UNC45A: variants seen among roughly 807,000 people sequenced by gnomAD.
UNC45A encodes the protein protein unc-45 homolog A.
In UNC45A, 78 loss-of-function variants were observed where a neutral mutation model predicts 103.2. The observed-to-expected ratio is 0.76, with a 90% CI of 0.63 to 0.91. UNC45A has a LOEUF of 0.91. Among genes scored for constraint, UNC45A ranks in the 40% least tolerant of loss-of-function variants. The pLI is 0.00. For missense variants in UNC45A, 1,193 were observed against 1,224.8 expected (o/e 0.97, Z 0.39); for synonymous variants, 495 against 504.6 (o/e 0.98, Z 0.25).
Position 90,935,530 on chromosome 15 carries a change from C to T in UNC45A, c.52-14C>T, listed in dbSNP as rs749582087. ...GAACCCCCTCCGACGTTTCCGCCCCCTTTCTCTCTACAGGCCAGCTCAGTG... is the reference window on the plus strand; with the variant it reads ...GAACCCCCTCCGACGTTTCCGCCCCTTTTCTCTCTACAGGCCAGCTCAGTG... On this transcript the variant is annotated splice_polypyrimidine_tract_variant and intron_variant, in intron 1 of 19. Coordinates refer to ENST00000418476, the MANE Select transcript of UNC45A (RefSeq NM_018671.5). 2.5e-6 allele frequency: 4 copies of T among 1,584,250 alleles called. No individual in the cohort carries two copies. In the African/African-American group the frequency reaches 4.0e-5, roughly 16 times the overall value.
intron 4 of UNC45A, among the ~76,000 whole-genome samples, chr15:90,938,870 C>T (rs2036149534): frequency 6.6e-6 from 1 of 151,648 alleles, no homozygotes; most frequent in Non-Finnish European, 1.5e-5. Flanking sequence ...CGGGGTTTCA[C>T]CATGTTGGCC....
At chr15:90,944,225 A>C (rs368380071) in intron 8 of UNC45A, among the ~76,000 whole-genome samples, 19 of 152,006 alleles carry the variant, frequency 1.2e-4, no homozygotes, top group African/African-American at 4.3e-4. Flanking sequence ...TCTCTACTAA[A>C]AGATACAAAA....
intron 10 of UNC45A, 40 bp from the exon 11 acceptor site, chr15:90,947,756 C>T (rs1596234039): frequency 2.6e-6 from 4 of 1,527,816 alleles, no homozygotes; most frequent in Non-Finnish European, 3.6e-6. Context: ...GCTCCTGCCT[C>T]CTTCCCCAGA....
chr15:90,948,371 G>A, intron 12 of UNC45A, 88 bp downstream of exon 12: 2 of 1,565,692 alleles, frequency 1.3e-6, no homozygotes, highest in Non-Finnish European at 8.6e-7. Flanking sequence ...GGCCAATGGG[G>A]TCTTTTGACC....
In UNC45A at chr15:90,953,338, A is replaced by G. The variant is rs571424096; in HGVS notation, c.2577+28A>G. On this transcript the variant is annotated intron_variant, in intron 19 of 19. Transcript: ENST00000418476. The stretch of plus-strand genomic sequence containing the variant: ...CAGTGCCTCTTCTCAGTGGGGGAGG[A>G]GGGACGGACCAGGAACTCCCAGCAG... 80 of 1,597,834 alleles carry G rather than the reference A, an allele frequency of 5.0e-5. No individual in the cohort carries two copies. In the South Asian group the frequency reaches 7.6e-4, roughly 15 times the overall value.
chr15:90,942,719 A>G, intron 7 of UNC45A, 114 bp downstream of exon 7: 2 of 1,560,840 alleles, frequency 1.3e-6, no homozygotes, highest in Non-Finnish European at 1.8e-6. Flanking sequence ...GTTGTTTGGA[A>G]TACGGTTTGG....
intron 8 of UNC45A, among the ~76,000 whole-genome samples, chr15:90,943,870 G>A (rs2036419353): frequency 6.6e-6 from 1 of 151,246 alleles, no homozygotes; most frequent in Non-Finnish European, 1.5e-5. Flanking sequence ...TGTAGTTGTA[G>A]TAGAGATAGA....
At chr15:90,947,973 CT>C (rs2036662222) in intron 11 of UNC45A, 83 bp downstream of exon 11, 46 of 1,433,042 alleles carry the variant, frequency 3.2e-5, no homozygotes, top group Admixed American at 2.4e-4. Flanking sequence ...TTGGGGCCTC[CT>C]CCGTCCTGCT....
Position 90,949,364 on chromosome 15 carries a change from G to C in UNC45A, c.1927G>C (p.Gly643Arg). ...RARVKKLLAAGVVSAMVCMVK... is the reference protein window; with the variant it reads ...RARVKKLLAARVVSAMVCMVK... The stretch of plus-strand genomic sequence containing the variant: ...TCGGGTGAAGAAGCTGCTGGCAGCG[G>C]GTGTGGTGTCGGCCATGGTGTGCAT... Residue 643 changes from glycine to arginine, a missense_variant, in exon 14 of 20, where the codon GGT (glycine) becomes CGT (arginine). Gly to Arg is a moderately radical substitution (Grantham distance 125). Coordinates refer to ENST00000418476, the MANE Select transcript of UNC45A (RefSeq NM_018671.5). The C allele has an allele frequency of 6.2e-7, 1 of 1,613,640 alleles. No homozygotes were observed. The highest frequency in any genetic ancestry group is 8.5e-7 in the Non-Finnish European group (1 of 1,180,018).
At chr15:90,939,621 G>T in intron 4 of UNC45A, 110 bp from the exon 5 acceptor site, 1 of 1,167,122 alleles carries the variant, frequency 8.6e-7, no homozygotes, top group South Asian at 1.4e-5. Context: ...CCTGAGCCTG[G>T]ACATCTTTAC....
chr15:90,935,106 T>TG (rs2035932928), upstream of UNC45A: 5 of 598,264 alleles, frequency 8.4e-6, no homozygotes, highest in Non-Finnish European at 1.5e-5. Flanking sequence ...TGCAGGTCTC[T>TG]GCGGGGACAG....
At chr15:90,936,072 T>A in intron 3 of UNC45A, 90 bp downstream of exon 3, 8 of 1,583,222 alleles carry the variant, frequency 5.1e-6, no homozygotes, top group Non-Finnish European at 6.0e-6. Context: ...ATTCTCCTCC[T>A]TTGGCCCCAG....
upstream of UNC45A, chr15:90,934,380 G>A: frequency 5.0e-6 from 2 of 399,100 alleles, no homozygotes; most frequent in East Asian, 7.1e-5. Flanking sequence ...CACCCGGGAT[G>A]TCCATGGCCG....
At chr15:90,949,633 A>T (rs1567160976) in intron 14 of UNC45A, 21 bp from the exon 15 acceptor site, 2 of 1,613,654 alleles carry the variant, frequency 1.2e-6, no homozygotes, top group African/African-American at 2.7e-5. Context: ...CTGCCTGCCC[A>T]CCACCGCCTT....
At position 90,942,426 on chromosome 15, in the gene UNC45A, T is replaced by C. The variant is rs201328648; in HGVS notation, c.688-11T>C. The C allele has an allele frequency of 1.5e-4, 239 of 1,598,886 alleles. No individual in the cohort carries two copies. The highest frequency in any genetic ancestry group is 6.8e-4 in the South Asian group (61 of 89,674). On this transcript the variant is annotated splice_polypyrimidine_tract_variant and intron_variant, in intron 6 of 19. Coordinates refer to ENST00000418476, the MANE Select transcript of UNC45A (RefSeq NM_018671.5). ...CTGGAAGCTTCCTTCTGTTTACCTC[T>C]CCCACCCCAGACAGTGGCAACCCTG...
chr15:90,950,258 T>A lies in UNC45A; in HGVS notation c.2178T>A (p.Pro726=). 6.4e-7 allele frequency: 1 copy of A among 1,551,716 alleles called. No homozygotes were observed. The highest frequency in any genetic ancestry group is 1.2e-5 in the South Asian group (1 of 84,068). ...TITSNPEMTF[P]GERIYEVVRP... is the part of the protein sequence containing the mutation. ...CCTCCAACCCGGAGATGACCTTCCCTGGCGAGCGGGTACGTGTCTTCCTGC... is the reference window on the plus strand; with the variant it reads ...CCTCCAACCCGGAGATGACCTTCCCAGGCGAGCGGGTACGTGTCTTCCTGC... The change falls in exon 16 of 20, where the codon CCT becomes CCA. Residue 726 remains proline, a synonymous_variant. Coordinates refer to ENST00000418476, the MANE Select transcript of UNC45A (RefSeq NM_018671.5).
chr15:90,940,450 A>T lies in UNC45A; in HGVS notation c.664A>T (p.Ile222Phe). ...GGCGGCTCTGCGTACGCTGGTTGGC[A>T]TTTGCTCTGAGCATCAGTCACGGGT... ...MLAALRTLVG[I>F]CSEHQSRTVA... Residue 222 changes from isoleucine to phenylalanine, a missense_variant, in exon 6 of 20, where the codon ATT becomes TTT. By Grantham distance (21) the Ile-to-Phe change is conservative. Coordinates refer to ENST00000418476, the MANE Select transcript of UNC45A (RefSeq NM_018671.5). 1.2e-6 allele frequency: 2 copies of T among 1,613,758 alleles called. No homozygotes were observed. The highest frequency in any genetic ancestry group is 8.5e-7 in the Non-Finnish European group (1 of 1,179,802).
intron 6 of UNC45A, among the ~76,000 whole-genome samples, chr15:90,941,355 C>G (rs956771944): frequency 6.6e-6 from 1 of 152,206 alleles, no homozygotes; most frequent in Non-Finnish European, 1.5e-5. Flanking sequence ...CCAGCTCTTA[C>G]CTGAGCTGGC....
At chr15:90,937,487 A>T (rs2036077409) in intron 4 of UNC45A, among the ~76,000 whole-genome samples, 1 of 148,728 alleles carries the variant, frequency 6.7e-6, no homozygotes, top group East Asian at 2.0e-4. Context: ...AAGGAAAATA[A>T]TTGTTTTTTT....
Sources: gnomAD v4.1 joint callset for allele counts (sites outside exome capture counted in the v4.1 genomes callset) on GRCh38, gnomAD v4.1.1 for gene constraint, MANE v1.5 for transcripts, NCBI Gene and HGNC (gene_info 2026-07-23, HGNC 2026-07-21) for gene names.